The following RREB1 variants were observed in gnomAD, a reference collection of about 807,000 sequenced individuals.
RREB1 encodes the protein ras responsive element binding protein 1, also known as ras-responsive element-binding protein 1.
In RREB1, 27 loss-of-function variants were observed where a neutral mutation model predicts 117.8. The ratio of observed to expected loss-of-function variants is 0.23; its 90% CI spans 0.17 to 0.32. The LOEUF (loss-of-function observed/expected upper bound fraction) is 0.32, where lower values mean the gene tolerates loss of function less well. Ranked by LOEUF, RREB1 falls within the 10% of genes least tolerant of loss-of-function variation. The probability of loss-of-function intolerance (pLI) is 1.00; values close to 1 mark genes in which losing one functional copy is unlikely to be tolerated. For synonymous variants in RREB1, 1,298 were observed against 1,026.7 expected (o/e 1.26, Z -5.05); for missense variants, 2,577 against 2,378.2 (o/e 1.08, Z -1.74).
chr6:7,108,428 C>T (rs1409265674), intron 1 of RREB1, among the ~76,000 whole-genome samples: 1 of 152,048 alleles, frequency 6.6e-6, no homozygotes, highest in Non-Finnish European at 1.5e-5. Context: ...GCCAGCAGGA[C>T]CTGATGCGCA....
At chr6:7,207,534 G>A (rs548328007) in intron 6 of RREB1, among the ~76,000 whole-genome samples, 1 of 152,158 alleles carries the variant, frequency 6.6e-6, no homozygotes, top group South Asian at 2.1e-4. Flanking sequence ...GGAACTGAGG[G>A]TATAAACACA....
At chr6:7,125,249 C>T (rs1243941763) in intron 1 of RREB1, among the ~76,000 whole-genome samples, 1 of 152,208 alleles carries the variant, frequency 6.6e-6, no homozygotes, top group Non-Finnish European at 1.5e-5. Flanking sequence ...AAGCATAAGA[C>T]TGTCAGGGAA....
At position 7,246,819 on chromosome 6, in the gene RREB1, T is replaced by C; in HGVS notation, c.4369T>C (p.Phe1457Leu). Reference sequence around the variant, plus strand: ...CGCCTGCGACACCTGTGGGAAGAGCTTCAAGTTCCTGGGCACCCTGAGCCG... The same window carrying C: ...CGCCTGCGACACCTGTGGGAAGAGCCTCAAGTTCCTGGGCACCCTGAGCCG... ...KLACDTCGKS[F>L]KFLGTLSRHR... The change falls in exon 12 of 13, where the codon TTC becomes CTC. Residue 1457 changes from phenylalanine (F) to leucine (L), a missense_variant. Phe to Leu is a conservative substitution (Grantham distance 22). Coordinates refer to ENST00000379938, the MANE Select transcript of RREB1 (RefSeq NM_001003699.4). 1.3e-6 allele frequency: 2 copies of C among 1,552,804 alleles called. No homozygotes were observed. The highest frequency in any genetic ancestry group is 2.4e-5 in the South Asian group (2 of 84,424).
At chr6:7,244,866 C>T (rs537240733) in intron 11 of RREB1, among the ~76,000 whole-genome samples, 13 of 152,306 alleles carry the variant, frequency 8.5e-5, no homozygotes, top group South Asian at 4.1e-4. Flanking sequence ...CCCTCCTGAC[C>T]GCCTTGATGG....
At chr6:7,184,130 C>T (rs1764945251) in intron 4 of RREB1, among the ~76,000 whole-genome samples, 1 of 151,844 alleles carries the variant, frequency 6.6e-6, no homozygotes, top group African/African-American at 2.4e-5. Flanking sequence ...GGGAGGATTG[C>T]TTGAGCCCAG....
intron 1 of RREB1, among the ~76,000 whole-genome samples, chr6:7,141,616 C>T (rs1281472233): frequency 6.6e-6 from 1 of 152,212 alleles, no homozygotes; most frequent in African/African-American, 2.4e-5. Flanking sequence ...TTGGCTTCCC[C>T]GATGGCTATT....
chr6:7,167,349 A>ATTTTTT (rs777728313), intron 1 of RREB1, among the ~76,000 whole-genome samples: 5 of 120,060 alleles, frequency 4.2e-5, no homozygotes, highest in African/African-American at 9.4e-5. Context: ...CTGGGACAGG[A>ATTTTTT]TTTTTTTTTT....
chr6:7,230,256 C>G lies in RREB1; in HGVS notation c.2157C>G (p.Arg719=). The change falls in exon 10 of 13, where the codon CGC becomes CGG. Residue 719 remains arginine, a synonymous_variant. Transcript: ENST00000379938. ...AAGCCAACTGCGAGCGGCACCTGCG[C>G]AAGAAGCACCTCAAGGCCACCCGCA... The part of the protein sequence containing the change: ...TVKANCERHL[R]KKHLKATRKD... 1.2e-6 allele frequency: 2 copies of G among 1,601,430 alleles called. No homozygotes were observed. The highest frequency in any genetic ancestry group is 1.7e-4 in the Middle Eastern group (1 of 6,060).
In RREB1 at chr6:7,230,063, CG is replaced by C; in HGVS notation, c.1969del (p.Val657SerfsTer81). 1 of 1,606,844 alleles carries C rather than the reference CG, an allele frequency of 6.2e-7. No individual in the cohort carries two copies. ...TTCTGCAACCAGGTGTTTGCCTTCT[CG>C]GGGGTCTTGCGTGCCCACGTGCGCT... ...CRFCNQVFAFSGVLRAHVRSH... is the reference protein window; with the variant it reads ...CRFCNQVFAFXGVLRAHVRSH... On this transcript the variant is annotated frameshift_variant, in exon 10 of 13. Coordinates refer to ENST00000379938, the MANE Select transcript of RREB1 (RefSeq NM_001003699.4). LOFTEE classifies it high-confidence loss of function.
chr6:7,242,937 C>T (rs1768803643), intron 11 of RREB1, among the ~76,000 whole-genome samples: 1 of 152,202 alleles, frequency 6.6e-6, no homozygotes, highest in South Asian at 2.1e-4. Flanking sequence ...CTGTCCTGGA[C>T]AGAGAGGCAG....
rs1232672758 is a variant in RREB1 at position 7,246,943 on chromosome 6, A to G, written c.4493A>G (p.Glu1498Gly). Reference protein sequence around the residue: ...EGPQPAPEQEEKPPETPAEVV... With the variant: ...EGPQPAPEQEGKPPETPAEVV... ...CCCCAGCCCGCCCCTGAACAGGAGG[A>G]GAAGCCCCCCGAGACCCCGGCAGAG... The change falls in exon 12 of 13, where the codon GAG becomes GGG. Residue 1498 changes from glutamate to glycine, a missense_variant. Coordinates refer to ENST00000379938, the MANE Select transcript of RREB1 (RefSeq NM_001003699.4). 6.1e-5 allele frequency: 95 copies of G among 1,558,606 alleles called. No homozygotes were observed. The highest frequency in any genetic ancestry group is 8.1e-5 in the Non-Finnish European group (93 of 1,152,844).
intron 1 of RREB1, among the ~76,000 whole-genome samples, chr6:7,130,374 G>A (rs375557598): frequency 2.5e-4 from 38 of 152,198 alleles, no homozygotes; most frequent in African/African-American, 7.5e-4. Flanking sequence ...TAATCCACGC[G>A]CTCTGGACGT....
intron 1 of RREB1, among the ~76,000 whole-genome samples, chr6:7,162,205 A>G (rs1763704013): frequency 6.6e-6 from 1 of 152,128 alleles, no homozygotes. Context: ...TTTGCTAAGT[A>G]AGGGCATTAA....
chr6:7,245,370 G>A (rs1046278847), intron 11 of RREB1, among the ~76,000 whole-genome samples: 7 of 152,128 alleles, frequency 4.6e-5, no homozygotes, highest in African/African-American at 1.7e-4. Flanking sequence ...ACTCCAGCCT[G>A]GGCGACAAGG....
chr6:7,196,126 C>G (rs1413370727), intron 6 of RREB1, among the ~76,000 whole-genome samples: 1 of 152,066 alleles, frequency 6.6e-6, no homozygotes, highest in African/African-American at 2.4e-5. Flanking sequence ...TGTGTGCACA[C>G]TCTTCCAGAT....
chr6:7,213,518 T>C (rs1470725488), intron 8 of RREB1: 1 of 152,270 alleles, frequency 6.6e-6, no homozygotes, highest in African/African-American at 2.4e-5. Flanking sequence ...GGAAAAGGCA[T>C]ATGGCCCCTC....
chr6:7,226,401 C>CT (rs1201297919), intron 8 of RREB1, 66 bp from the exon 9 acceptor site: 1 of 1,233,238 alleles, frequency 8.1e-7, no homozygotes, highest in Non-Finnish European at 1.1e-6. Context: ...AGTGGAAACT[C>CT]TGACTTAACT....
intron 1 of RREB1, among the ~76,000 whole-genome samples, chr6:7,119,589 C>T (rs1465620567): frequency 6.6e-6 from 1 of 151,922 alleles, no homozygotes; most frequent in African/African-American, 2.4e-5. Flanking sequence ...GAGAGGTGTG[C>T]GTCCAGGAAA....
At chr6:7,240,328 G>T in intron 10 of RREB1, 110 bp from the exon 11 acceptor site, 1 of 694,876 alleles carries the variant, frequency 1.4e-6, no homozygotes, top group Non-Finnish European at 2.3e-6. Context: ...TTGAAGGGAT[G>T]GAGGAGGGGG....
Sources: gnomAD v4.1 joint callset for allele counts (sites outside exome capture counted in the v4.1 genomes callset) on GRCh38, gnomAD v4.1.1 for gene constraint, MANE v1.5 for transcripts, NCBI Gene and HGNC (gene_info 2026-07-23, HGNC 2026-07-21) for gene names.